PRKCZ: variants seen among roughly 807,000 people sequenced by gnomAD.
PRKCZ encodes protein kinase C zeta type.
A neutral mutation model predicts 79.5 loss-of-function variants in PRKCZ; 33 were observed. The ratio of observed to expected loss-of-function variants is 0.41; its 90% CI spans 0.31 to 0.55. The LOEUF is 0.55. Among genes scored for constraint, PRKCZ ranks in the 20% least tolerant of loss-of-function variants. The probability of loss-of-function intolerance (pLI) is 0.19; values close to 1 mark genes in which losing one functional copy is unlikely to be tolerated. For missense variants in PRKCZ, 578 were observed against 813.5 expected (o/e 0.71, Z 3.52); for synonymous variants, 342 against 320.9 (o/e 1.07, Z -0.70).
Position 2,147,002 on chromosome 1 carries a change from T to TCAGC in PRKCZ, c.634+896_634+897insGCCA, listed in dbSNP as rs561412453. Among the ~76,000 whole-genome samples, 11 of 151,750 alleles carry TCAGC rather than the reference T, an allele frequency of 7.2e-5. No individual in the cohort carries two copies. In the South Asian group the frequency reaches 1.9e-3, roughly 26 times the overall value. ...ATCTATCCACGATCCATCCATCTCG[T>TCAGC]CATCCAGCCAGCCAGCCAGCCATCC... On this transcript the variant is annotated intron_variant, in intron 7 of 17. Transcript: ENST00000378567.
chr1:2,059,688 G>A, intron 4 of PRKCZ, 97 bp downstream of exon 4: 1 of 1,493,468 alleles, frequency 6.7e-7, no homozygotes, highest in Non-Finnish European at 9.3e-7. Context: ...GTTTTCGGAG[G>A]TTCACCCTCG....
intron 4 of PRKCZ, among the ~76,000 whole-genome samples, chr1:2,064,282 T>C (rs952691764): frequency 4.6e-5 from 7 of 152,254 alleles, no homozygotes; most frequent in African/African-American, 1.7e-4. Flanking sequence ...GTAGCAGATA[T>C]ATGATTAGCA....
chr1:2,093,901 G>A (rs1006422989), intron 4 of PRKCZ, among the ~76,000 whole-genome samples: 1 of 152,170 alleles, frequency 6.6e-6, no homozygotes, highest in African/African-American at 2.4e-5. Flanking sequence ...GGCCGTCAGC[G>A]TTGCAGCCCT....
At chr1:2,147,978 T>C (rs1019442403) in intron 7 of PRKCZ, among the ~76,000 whole-genome samples, 21 of 146,302 alleles carry the variant, frequency 1.4e-4, no homozygotes, top group African/African-American at 4.9e-4. Flanking sequence ...TCTATCCATC[T>C]ATTGTCCACT....
chr1:2,054,036 G>A (rs1480674520), intron 1 of PRKCZ, among the ~76,000 whole-genome samples: 1 of 152,176 alleles, frequency 6.6e-6, no homozygotes, highest in Non-Finnish European at 1.5e-5. Flanking sequence ...TGGGGCAGGT[G>A]GGCCCTGGGC....
In PRKCZ at chr1:2,127,484, C is replaced by T. The variant is rs957323340; in HGVS notation, c.335-7778C>T. Among the ~76,000 whole-genome samples the T allele has an allele frequency of 6.6e-6, 1 of 152,088 alleles. No individual in the cohort carries two copies. The highest frequency in any genetic ancestry group is 1.5e-5 in the Non-Finnish European group (1 of 68,006). On this transcript the variant is annotated intron_variant, in intron 4 of 17. Coordinates refer to ENST00000378567, the MANE Select transcript of PRKCZ (RefSeq NM_002744.6). This position sits in a 1 kb window ranked among gnomAD's most constrained non-coding sequence, Gnocchi z 5.1. ...TCTCACCCTCTGGTCCTGGCTGGGC[C>T]CGTCCCGCCCCACGTCCCGCCTCCC...
At chr1:2,060,607 C>T (rs13302944) in intron 4 of PRKCZ, among the ~76,000 whole-genome samples, 23,762 of 152,174 alleles carry the variant, frequency 0.16, 2,040 homozygotes, top group African/African-American at 0.2. Flanking sequence ...GGGGAGAGGG[C>T]GGCGTGGCAT....
At chr1:2,136,568 C>T (rs981501077) in intron 5 of PRKCZ, among the ~76,000 whole-genome samples, 39 of 152,164 alleles carry the variant, frequency 2.6e-4, no homozygotes, top group African/African-American at 9.2e-4. Flanking sequence ...GCCCTGAGGA[C>T]GAGGTTGGGG....
intron 4 of PRKCZ, among the ~76,000 whole-genome samples, chr1:2,112,030 G>A (rs987995829): frequency 6.6e-6 from 1 of 152,198 alleles, no homozygotes; most frequent in Non-Finnish European, 1.5e-5. Flanking sequence ...CTCGGGACAA[G>A]TCATTTTCAT....
rs1174728791 is a variant in PRKCZ at position 2,168,453 on chromosome 1, G to A, written c.975-1065G>A. 1.3e-5 allele frequency among the ~76,000 whole-genome samples: 2 copies of A among 152,228 alleles called. No individual in the cohort carries two copies. The highest frequency in any genetic ancestry group is 6.5e-5 in the Admixed American group (1 of 15,288). On this transcript the variant is annotated intron_variant, in intron 10 of 17. Transcript: ENST00000378567. This position sits in a 1 kb window ranked among gnomAD's most constrained non-coding sequence, Gnocchi z 4.7. ...TTCTTCAGGGTGCCCGACTGGCCAC[G>A]TGGACGTCTCTCCAGCTCCTCACTT...
chr1:2,120,369 G>A (rs1026477221), intron 4 of PRKCZ, among the ~76,000 whole-genome samples: 1 of 122,462 alleles, frequency 8.2e-6, no homozygotes, highest in Non-Finnish European at 1.6e-5. Context: ...GCGCGATCTC[G>A]ACTCACTGCA....
intron 4 of PRKCZ, among the ~76,000 whole-genome samples, chr1:2,113,978 C>A (rs1284433838): frequency 6.6e-6 from 1 of 152,124 alleles, no homozygotes; most frequent in Non-Finnish European, 1.5e-5. Flanking sequence ...TGCCACCGGT[C>A]AAGGGCTCCA....
chr1:2,124,352 G>GCTGTAGTTAGCGTCA (rs1379788580), intron 4 of PRKCZ, among the ~76,000 whole-genome samples: 2 of 133,048 alleles, frequency 1.5e-5, no homozygotes, highest in African/African-American at 5.8e-5. Flanking sequence ...TAGGGTCACG[G>GCTGTAGTTAGCGTCA]CGGTGGTTAG....
intron 4 of PRKCZ, among the ~76,000 whole-genome samples, chr1:2,096,866 G>A (rs961687040): frequency 3.3e-5 from 5 of 152,190 alleles, no homozygotes; most frequent in African/African-American, 1.2e-4. Context: ...GAGGCACCCT[G>A]GGGAGGACTC....
At chr1:2,061,095 C>T (rs550252254) in intron 4 of PRKCZ, among the ~76,000 whole-genome samples, 2 of 152,340 alleles carry the variant, frequency 1.3e-5, no homozygotes, top group Admixed American at 6.5e-5. Flanking sequence ...AGGGGACCCA[C>T]GGGCCGTGTT....
rs779341776 is a variant in PRKCZ at position 2,169,475 on chromosome 1, TCTGCCGAGGTGA to T, written c.975-38_975-27del. On this transcript the variant is annotated intron_variant, in intron 10 of 17. Coordinates refer to ENST00000378567, the MANE Select transcript of PRKCZ (RefSeq NM_002744.6). Reference sequence around the variant, plus strand: ...GGGCTTCTGTCTAAGGAGGCCGCCGTCTGCCGAGGTGACTGCAGCCTCCGGCGCCTCTCTCCC... The same window carrying T: ...GGGCTTCTGTCTAAGGAGGCCGCCGTCTGCAGCCTCCGGCGCCTCTCTCCC... The T allele has an allele frequency of 9.2e-6, 14 of 1,520,804 alleles. 1 individual carries two copies. In the South Asian group the frequency reaches 1.6e-4, roughly 17 times the overall value. 94.2% of individuals were successfully genotyped at this position (1,520,804 alleles called of 1,614,324 possible).
intron 5 of PRKCZ, among the ~76,000 whole-genome samples, chr1:2,136,013 G>C (rs760798037): frequency 1.1e-4 from 17 of 152,010 alleles, no homozygotes; most frequent in South Asian, 2.1e-4. Flanking sequence ...AAGTATACAG[G>C]GCCTGTCCCC....
Position 2,149,938 on chromosome 1 carries a change from C to T in PRKCZ, c.688-852C>T, listed in dbSNP as rs1173808035. On this transcript the variant is annotated intron_variant, in intron 8 of 17. Transcript: ENST00000378567. This position sits in a 1 kb window ranked among gnomAD's most constrained non-coding sequence, Gnocchi z 4.1. ...CTTTGGGAAGCTGAGGCGGGCAGAT[C>T]ACGAGGTCAGGAGATGGAGACCATC... Among the ~76,000 whole-genome samples, 1 of 150,924 alleles carries T rather than the reference C, an allele frequency of 6.6e-6. No individual in the cohort carries two copies. The highest frequency in any genetic ancestry group is 2.4e-5 in the African/African-American group (1 of 40,996).
intron 4 of PRKCZ, among the ~76,000 whole-genome samples, chr1:2,123,703 A>G (rs182685582): frequency 6.2e-4 from 2 of 3,250 alleles, no homozygotes; most frequent in Non-Finnish European, 9.5e-4. Context: ...TCACGGTGGT[A>G]GTTAGGGTGG....
Sources: allele counts gnomAD v4.1 joint callset (sites outside exome capture counted in the v4.1 genomes callset), GRCh38; gene constraint gnomAD v4.1.1; non-coding constraint Gnocchi (gnomAD v3.1); transcripts MANE v1.5; gene names NCBI Gene and HGNC (gene_info 2026-07-23, HGNC 2026-07-21).